Variants in ADGB observed in about 807,000 individuals in gnomAD.
The protein encoded by ADGB is androglobin.
In ADGB, 172 loss-of-function variants were observed where a neutral mutation model predicts 210.5. That is an observed-to-expected ratio of 0.82 (90% CI 0.72 to 0.93). The LOEUF (loss-of-function observed/expected upper bound fraction) is 0.93, where lower values mean the gene tolerates loss of function less well. Ranked by LOEUF, ADGB falls within the 40% of genes least tolerant of loss-of-function variation. The pLI is 0.00. For synonymous variants in ADGB, 658 were observed against 662.7 expected, an observed-to-expected ratio of 0.99 and a Z score of 0.11; for missense variants, 2,025 against 1,964.8, an observed-to-expected ratio of 1.03 and a Z score of -0.58.
At chr6:146,686,457 A>G (rs914876389) in intron 10 of ADGB, among the ~76,000 whole-genome samples, 17 of 152,024 alleles carry the variant, frequency 1.1e-4, no homozygotes, top group African/African-American at 2.7e-4. Context: ...CTGTGTTTGT[A>G]TGTGTATACC....
intron 23 of ADGB, among the ~76,000 whole-genome samples, chr6:146,739,378 A>G (rs1257992122): frequency 6.6e-6 from 1 of 152,204 alleles, no homozygotes; most frequent in East Asian, 1.9e-4. Context: ...GCCTGTAATA[A>G]TTAGGACTGT....
At chr6:146,670,411 T>A (rs1775991428) in intron 7 of ADGB, among the ~76,000 whole-genome samples, 1 of 152,166 alleles carries the variant, frequency 6.6e-6, no homozygotes, top group Non-Finnish European at 1.5e-5. Flanking sequence ...TTCTGAAATA[T>A]AATGAAACTC....
chr6:146,661,414 C>T (rs756393348), intron 5 of ADGB, among the ~76,000 whole-genome samples: 2 of 151,738 alleles, frequency 1.3e-5, no homozygotes, highest in Admixed American at 6.6e-5. Context: ...GACAGGGTCT[C>T]ACTATGTTGT....
intron 1 of ADGB, among the ~76,000 whole-genome samples, chr6:146,626,330 A>G (rs1421961694): frequency 6.6e-6 from 1 of 151,894 alleles, no homozygotes; most frequent in Middle Eastern, 3.2e-3. Flanking sequence ...TAACTTGTGT[A>G]TTTTGCCATG....
rs1300005624 is a variant in ADGB at position 146,717,568 on chromosome 6, A to G, written c.1961A>G (p.Tyr654Cys). The change falls in exon 16 of 36, where the codon TAT becomes TGT. Residue 654 changes from tyrosine (Y) to cysteine (C), a missense_variant. By Grantham distance (194) the Tyr-to-Cys change is radical (BLOSUM62 -2). Transcript: ENST00000397944. ...TATATTTTCCACAAGCCAAGTTCATATTGCCTTAACTTTCAAAAATCAGAA... is the reference window on the plus strand; with the variant it reads ...TATATTTTCCACAAGCCAAGTTCATGTTGCCTTAACTTTCAAAAATCAGAA... ...NIYIFHKPSS[Y>C]CLNFQKSEFK... is the part of the protein sequence containing the mutation. The G allele has an allele frequency of 7.1e-7, 1 of 1,411,256 alleles. No homozygotes were observed. The highest frequency in any genetic ancestry group is 9.6e-7 in the Non-Finnish European group (1 of 1,038,234). 87.4% of individuals were successfully genotyped at this position (1,411,256 alleles called of 1,614,324 possible). A position where few individuals can be genotyped will look rare whatever the true frequency, so the allele number is the denominator to read the frequency against.
intron 7 of ADGB, among the ~76,000 whole-genome samples, chr6:146,668,790 C>T (rs548615831): frequency 5.9e-5 from 9 of 152,038 alleles, no homozygotes; most frequent in East Asian, 1.9e-4. Flanking sequence ...AATTTTGCCT[C>T]GGAAAATCAA....
intron 13 of ADGB, among the ~76,000 whole-genome samples, chr6:146,703,350 T>C (rs920660021): frequency 1.3e-5 from 2 of 151,932 alleles, no homozygotes; most frequent in Non-Finnish European, 2.9e-5. Flanking sequence ...TTAATATATG[T>C]ATTACTTCAC....
At chr6:146,603,514 T>C (rs933848002) in intron 1 of ADGB, among the ~76,000 whole-genome samples, 1 of 152,182 alleles carries the variant, frequency 6.6e-6, no homozygotes, top group African/African-American at 2.4e-5. Context: ...ATAAAATTTT[T>C]TTCACTTCCA....
At position 146,733,103 on chromosome 6, in the gene ADGB, A is replaced by ATATT; in HGVS notation, c.2521-17_2521-16insTATT. On this transcript the variant is annotated splice_polypyrimidine_tract_variant and intron_variant, in intron 20 of 35. Transcript: ENST00000397944. ...TGATGGTATTTTCTTGCTATAAAAA[A>ATATT]AATTTATGTGTTTCAGGTTTTTCAT... 1.4e-6 allele frequency: 1 copy of ATATT among 729,444 alleles called. No homozygotes were observed. The highest frequency in any genetic ancestry group is 3.9e-4 in the Middle Eastern group (1 of 2,546). The allele number at this position is 729,444 out of a possible 1,614,324, so 45.2% of individuals were successfully genotyped here.
chr6:146,631,998 G>GT (rs1781073754), intron 1 of ADGB, among the ~76,000 whole-genome samples: 1 of 151,112 alleles, frequency 6.6e-6, no homozygotes, highest in Non-Finnish European at 1.5e-5. Context: ...CCTTCACTTG[G>GT]TTTCCAAGGT....
At position 146,685,672 on chromosome 6, in the gene ADGB, G is replaced by T. The variant is rs957233251; in HGVS notation, c.1217-62G>T. 9 of 952,680 alleles carry T rather than the reference G, an allele frequency of 9.4e-6. No homozygotes were observed. In the African/African-American group the frequency reaches 1.6e-4, roughly 16 times the overall value. 59.0% of individuals were successfully genotyped at this position (952,680 alleles called of 1,614,324 possible). A position where few individuals can be genotyped will look rare whatever the true frequency, so the allele number is the denominator to read the frequency against. ...TTAAGGCAATTGAACAATCTGGAGT[G>T]AGCAACTGACAGACCGATTTTGACT... On this transcript the variant is annotated intron_variant, in intron 9 of 35. Transcript: ENST00000397944.
At chr6:146,662,631 G>A (rs547131697) in intron 5 of ADGB, among the ~76,000 whole-genome samples, 1 of 152,080 alleles carries the variant, frequency 6.6e-6, no homozygotes, top group African/African-American at 2.4e-5. Context: ...CCTGTCGACT[G>A]TATTTTCCCA....
chr6:146,669,834 T>G (rs1241167324), intron 7 of ADGB, among the ~76,000 whole-genome samples: 1 of 152,118 alleles, frequency 6.6e-6, no homozygotes, highest in Non-Finnish European at 1.5e-5. Flanking sequence ...CGTAGCTATG[T>G]GAATGTCAAA....
At chr6:146,807,694 TTC>T in intron 35 of ADGB, 1 of 911,732 alleles carries the variant, frequency 1.1e-6, no homozygotes, top group Non-Finnish European at 1.6e-6. Flanking sequence ...ATAGAAATTG[TTC>T]TTTCTTAGAA....
intron 13 of ADGB, among the ~76,000 whole-genome samples, chr6:146,710,775 A>G (rs1346582451): frequency 1.3e-5 from 2 of 152,186 alleles, no homozygotes; most frequent in Non-Finnish European, 2.9e-5. Context: ...AAAAATAGCC[A>G]GCATGCCCTA....
intron 1 of ADGB, among the ~76,000 whole-genome samples, chr6:146,635,035 G>C (rs975035544): frequency 2.6e-5 from 4 of 151,940 alleles, no homozygotes; most frequent in Non-Finnish European, 5.9e-5. Context: ...TAGATATATA[G>C]ATGGGATTCT....
At chr6:146,682,834 T>A (rs1399147320) in intron 9 of ADGB, among the ~76,000 whole-genome samples, 2 of 152,174 alleles carry the variant, frequency 1.3e-5, no homozygotes, top group African/African-American at 4.8e-5. Flanking sequence ...TCTTGGCTAA[T>A]AAACTTTTTT....
chr6:146,774,221 G>A (rs933340844), intron 29 of ADGB, among the ~76,000 whole-genome samples: 4 of 152,006 alleles, frequency 2.6e-5, no homozygotes, highest in Non-Finnish European at 5.9e-5. Flanking sequence ...GATTCTAGTG[G>A]AAAACTAGAT....
At position 146,792,545 on chromosome 6, in the gene ADGB, C is replaced by CT. The variant is rs916459539; in HGVS notation, c.4537+3948dup. On this transcript the variant is annotated intron_variant, in intron 33 of 35. Transcript: ENST00000397944. ...AGCCCAGGGGCAGTCACAGCACAGA[C>CT]TTTTTTTTTTTTTACCCAGAGTCCC... 4.2e-3 allele frequency among the ~76,000 whole-genome samples: 602 copies of CT among 144,654 alleles called. 4 individuals are homozygous for CT. The highest frequency in any genetic ancestry group is 0.011 in the Middle Eastern group (3 of 280). 94.9% of individuals were successfully genotyped at this position (144,654 alleles called of 152,430 possible). A position where few individuals can be genotyped will look rare whatever the true frequency, so the allele number is the denominator to read the frequency against.
Sources: gnomAD v4.1 joint callset for allele counts (sites outside exome capture counted in the v4.1 genomes callset) on GRCh38, gnomAD v4.1.1 for gene constraint, MANE v1.5 for transcripts, NCBI Gene and HGNC (gene_info 2026-07-23, HGNC 2026-07-21) for gene names.